The following MCPH1 variants were observed in gnomAD, a reference collection of about 807,000 sequenced individuals.
MCPH1 encodes the protein microcephalin 1.
Under a neutral mutation model 84.5 loss-of-function variants are expected in MCPH1, and 104 were observed. That is an observed-to-expected ratio of 1.23 (90% CI 1.05 to 1.45). MCPH1 has a LOEUF of 1.45. Among genes scored for constraint, MCPH1 ranks in the 40% most tolerant of loss-of-function variants. MCPH1 has a pLI of 0.00. For synonymous variants in MCPH1, 514 were observed against 366.8 expected (o/e 1.40, Z -4.58); for missense variants, 1,498 against 1,005.7 (o/e 1.49, Z -6.62).
At chr8:6,619,419 T>G (rs1831185127) in intron 12 of MCPH1, among the ~76,000 whole-genome samples, 1 of 151,436 alleles carries the variant, frequency 6.6e-6, no homozygotes, top group African/African-American at 2.4e-5. Context: ...GCCTCCCGAG[T>G]AGCTGGGATT....
intron 11 of MCPH1, among the ~76,000 whole-genome samples, chr8:6,490,608 G>A (rs935275926): frequency 1.3e-5 from 2 of 152,054 alleles, no homozygotes; most frequent in East Asian, 1.9e-4. Context: ...TATATTTGAC[G>A]ACATTGTACA....
intron 12 of MCPH1, among the ~76,000 whole-genome samples, chr8:6,539,934 A>C (rs4991607): frequency 0.57 from 86,811 of 151,864 alleles, 26,459 homozygotes; most frequent in Non-Finnish European, 0.68. Context: ...TAGATAACCA[A>C]CCCCTTTCCT....
intron 7 of MCPH1, among the ~76,000 whole-genome samples, chr8:6,443,487 C>T (rs1009567693): frequency 6.6e-6 from 1 of 151,516 alleles, no homozygotes; most frequent in Non-Finnish European, 1.5e-5. Flanking sequence ...AGAGTTCTAA[C>T]ACTTACGTGA....
chr8:6,534,904 T>C (rs1296344827), intron 12 of MCPH1, among the ~76,000 whole-genome samples: 2 of 152,182 alleles, frequency 1.3e-5, no homozygotes, highest in South Asian at 4.1e-4. Flanking sequence ...TCCCCTCCGC[T>C]CATCGCCATG....
At chr8:6,609,327 C>A (rs532238908) in intron 12 of MCPH1, among the ~76,000 whole-genome samples, 1 of 152,154 alleles carries the variant, frequency 6.6e-6, no homozygotes, top group African/African-American at 2.4e-5. Context: ...AGAAACCTAC[C>A]GCGTTCGAGT....
intron 13 of MCPH1, among the ~76,000 whole-genome samples, chr8:6,629,659 G>A (rs1797011142): frequency 6.6e-6 from 1 of 152,162 alleles, no homozygotes; most frequent in South Asian, 2.1e-4. Context: ...AAAAATACAT[G>A]TCTGCTGTTT....
rs760734024 is a variant in MCPH1 at position 6,406,632 on chromosome 8, C to T, written c.-36C>T. The T allele has an allele frequency of 1.9e-6, 3 of 1,609,406 alleles. No individual in the cohort carries two copies. Among genetic ancestry groups the T allele is most frequent in the South Asian group, 1.1e-5 (1 of 90,494 alleles). ...GCGCGCGCCGCCAGGCTCGCAAGCACCGCGTAGGCCAGCTGGCCGGATCCC... is the reference window on the plus strand; with the variant it reads ...GCGCGCGCCGCCAGGCTCGCAAGCATCGCGTAGGCCAGCTGGCCGGATCCC... On this transcript the variant is annotated 5_prime_UTR_variant, in exon 1 of 14. Coordinates refer to ENST00000344683, the MANE Select transcript of MCPH1 (RefSeq NM_024596.5).
At chr8:6,611,571 C>G (rs910382363) in intron 12 of MCPH1, among the ~76,000 whole-genome samples, 22 of 152,214 alleles carry the variant, frequency 1.4e-4, no homozygotes, top group African/African-American at 4.8e-4. Context: ...CCTCCTGCAC[C>G]AGGGTGTGTT....
chr8:6,515,267 G>C (rs1816031328), intron 12 of MCPH1, among the ~76,000 whole-genome samples: 2 of 152,220 alleles, frequency 1.3e-5, no homozygotes, highest in Admixed American at 6.5e-5. Flanking sequence ...CATAGGGTTT[G>C]GAGGACTCCT....
At chr8:6,491,307 AT>A (rs1810545078) in intron 11 of MCPH1, among the ~76,000 whole-genome samples, 2 of 151,248 alleles carry the variant, frequency 1.3e-5, no homozygotes, top group Admixed American at 1.3e-4. Flanking sequence ...TTCCAGAATA[AT>A]GTCTCACTTA....
chr8:6,540,465 G>T (rs1586493151), intron 12 of MCPH1, among the ~76,000 whole-genome samples: 1 of 152,214 alleles, frequency 6.6e-6, no homozygotes, highest in African/African-American at 2.4e-5. Flanking sequence ...TCTTTTAGAG[G>T]TCTTGTAGGG....
intron 12 of MCPH1, among the ~76,000 whole-genome samples, chr8:6,575,306 C>T (rs1039241819): frequency 1.3e-5 from 2 of 152,116 alleles, no homozygotes; most frequent in Non-Finnish European, 2.9e-5. Context: ...TAAAGCTTAG[C>T]AATGTGGGTT....
At position 6,595,827 on chromosome 8, in the gene MCPH1, G is replaced by C. The variant is rs115622026; in HGVS notation, c.2215-25627G>C. Among the ~76,000 whole-genome samples the C allele has an allele frequency of 5.6e-3, 860 of 152,298 alleles. 8 individuals carry two copies. The highest frequency in any genetic ancestry group is 0.019 in the African/African-American group (807 of 41,556). On this transcript the variant is annotated intron_variant, in intron 12 of 13. Transcript: ENST00000344683. ...GCAGACAGTAATAGATGGTAATAGA[G>C]TCAGATACAATTGGGCAGGCAACGG... is the stretch of plus-strand genomic sequence containing the variant.
chr8:6,585,375 G>A (rs187617006), intron 12 of MCPH1, among the ~76,000 whole-genome samples: 13 of 152,228 alleles, frequency 8.5e-5, no homozygotes, highest in African/African-American at 3.1e-4. Flanking sequence ...GAGAAGCTGT[G>A]TGTGGCCACC....
chr8:6,610,823 G>A (rs555679986), intron 12 of MCPH1, among the ~76,000 whole-genome samples: 8 of 151,408 alleles, frequency 5.3e-5, no homozygotes, highest in South Asian at 2.1e-4. Flanking sequence ...AACATAAGAC[G>A]CTGATTTTTC....
In MCPH1 at chr8:6,577,947, G is replaced by C. The variant is rs565124928; in HGVS notation, c.2215-43507G>C. On this transcript the variant is annotated intron_variant, in intron 12 of 13. Transcript: ENST00000344683. The stretch of plus-strand genomic sequence containing the variant: ...AACCCTTCCGAGATGGAGTGTCTGT[G>C]GGGGTAGGTCCTCTTTGCTGTGTGC... Among the ~76,000 whole-genome samples the C allele has an allele frequency of 4.1e-4, 63 of 152,324 alleles. 3 individuals are homozygous for C. In the South Asian group the frequency reaches 0.013, roughly 31 times the overall value.
chr8:6,438,046 C>T (rs1403963009), intron 5 of MCPH1, among the ~76,000 whole-genome samples: 1 of 152,178 alleles, frequency 6.6e-6, no homozygotes, highest in African/African-American at 2.4e-5. Context: ...ACATATCCTC[C>T]AATTTACTAG....
chr8:6,425,032 C>T (rs2515553), intron 3 of MCPH1, among the ~76,000 whole-genome samples: 141,713 of 152,268 alleles, frequency 0.93, 66,500 homozygotes, highest in East Asian at 1. Context: ...ACAAGAGTAG[C>T]ATAAAGAATG....
intron 3 of MCPH1, among the ~76,000 whole-genome samples, chr8:6,423,584 G>A (rs1180707293): frequency 2.6e-5 from 4 of 152,084 alleles, no homozygotes; most frequent in South Asian, 2.1e-4. Context: ...TGTAAGCAGT[G>A]TCCTATTGGT....
Sources: gnomAD v4.1 joint callset for allele counts (sites outside exome capture counted in the v4.1 genomes callset) on GRCh38, gnomAD v4.1.1 for gene constraint, MANE v1.5 for transcripts, NCBI Gene and HGNC (gene_info 2026-07-23, HGNC 2026-07-21) for gene names.